SAMD12: variants seen among roughly 807,000 people sequenced by gnomAD.
SAMD12 encodes the protein sterile alpha motif domain-containing protein 12.
A neutral mutation model predicts 15.0 loss-of-function variants in SAMD12; 9 were observed. The ratio of observed to expected loss-of-function variants is 0.60; its 90% CI spans 0.36 to 1.05. The LOEUF (loss-of-function observed/expected upper bound fraction) is 1.05. Ranked by LOEUF, SAMD12 falls within the 50% of genes least tolerant of loss-of-function variation. The probability of loss-of-function intolerance (pLI) is 0.01; values close to 1 mark genes in which losing one functional copy is unlikely to be tolerated. For synonymous variants in SAMD12, 86 were observed against 90.1 expected (o/e 0.96, Z 0.25); for missense variants, 230 against 234.2 (o/e 0.98, Z 0.12).
intron 4 of SAMD12, among the ~76,000 whole-genome samples, chr8:118,281,327 TG>T (rs959419794): frequency 6.6e-6 from 1 of 152,156 alleles, no homozygotes; most frequent in African/African-American, 2.4e-5. Flanking sequence ...ATGTGTCTAG[TG>T]GGGAGGAGAT....
At chr8:118,461,574 A>G (rs1205361854) in intron 2 of SAMD12, among the ~76,000 whole-genome samples, 2 of 152,040 alleles carry the variant, frequency 1.3e-5, no homozygotes, top group African/African-American at 4.8e-5. Context: ...TATTTTACGT[A>G]TGTACATACG....
chr8:118,435,981 T>A (rs13265657), intron 3 of SAMD12, among the ~76,000 whole-genome samples: 10 of 152,096 alleles, frequency 6.6e-5, no homozygotes, highest in South Asian at 4.1e-4. Flanking sequence ...ACTGAACCTC[T>A]GTGGAACAGA....
intron 2 of SAMD12, among the ~76,000 whole-genome samples, chr8:118,529,739 G>T (rs939684311): frequency 6.6e-6 from 1 of 152,042 alleles, no homozygotes; most frequent in African/African-American, 2.4e-5. Context: ...CTTTTTTATG[G>T]CTGAGCAGTA....
At chr8:118,292,163 G>A (rs1440014891) in intron 4 of SAMD12, among the ~76,000 whole-genome samples, 2 of 151,392 alleles carry the variant, frequency 1.3e-5, no homozygotes, top group Non-Finnish European at 1.5e-5. Context: ...GGTAGGGGGC[G>A]AGGGATAAAA....
At chr8:118,216,737 G>GGA (rs1811970190) in intron 4 of SAMD12, among the ~76,000 whole-genome samples, 7 of 152,156 alleles carry the variant, frequency 4.6e-5, no homozygotes, top group Non-Finnish European at 8.8e-5. Context: ...TAACTGATGT[G>GGA]CATAATGATA....
intron 2 of SAMD12, among the ~76,000 whole-genome samples, chr8:118,446,189 G>T (rs1025293692): frequency 6.7e-6 from 1 of 150,284 alleles, no homozygotes; most frequent in Non-Finnish European, 1.5e-5. Flanking sequence ...ACTGTTTAAA[G>T]ACATCACTGT....
chr8:118,159,725 T>C, the SAMD12 span, among the ~76,000 whole-genome samples: 10 of 151,168 alleles, frequency 6.6e-5, no homozygotes, highest in South Asian at 2.1e-4. Context: ...TTTTCTTTTT[T>C]TTTTTTTGAG....
chr8:118,455,351 T>C (rs1237927119), intron 2 of SAMD12, among the ~76,000 whole-genome samples: 2 of 152,006 alleles, frequency 1.3e-5, no homozygotes, highest in Non-Finnish European at 2.9e-5. Flanking sequence ...ACCTTCCAGA[T>C]TGAATATCTA....
chr8:118,255,013 TAA>T (rs1480142658), intron 4 of SAMD12, among the ~76,000 whole-genome samples: 2 of 152,030 alleles, frequency 1.3e-5, no homozygotes. Flanking sequence ...TTGATTCTCT[TAA>T]GTCGATGCCT....
chr8:118,337,110 C>T (rs369356091), intron 4 of SAMD12, among the ~76,000 whole-genome samples: 22 of 149,574 alleles, frequency 1.5e-4, no homozygotes, highest in South Asian at 1.1e-3. Context: ...TGCATACATA[C>T]GTAACAAACC....
the SAMD12 span, among the ~76,000 whole-genome samples, chr8:118,152,450 CCCTCCCTACCTTCCTT>C: frequency 2.0e-4 from 21 of 106,476 alleles, no homozygotes; most frequent in Non-Finnish European, 2.7e-4. Flanking sequence ...CTTCCTCCCT[CCCTCCCTACCTTCCTT>C]CCTTCCTTCC....
At chr8:118,458,182 TA>T (rs947072133) in intron 2 of SAMD12, among the ~76,000 whole-genome samples, 1 of 152,252 alleles carries the variant, frequency 6.6e-6, no homozygotes, top group Non-Finnish European at 1.5e-5. Flanking sequence ...AAACACCATC[TA>T]AAATCCTCTT....
intron 4 of SAMD12, among the ~76,000 whole-genome samples, chr8:118,249,545 C>T (rs914619487): frequency 3.3e-5 from 5 of 152,154 alleles, no homozygotes; most frequent in African/African-American, 7.2e-5. Flanking sequence ...ACTTTATGTA[C>T]GTATGCATCA....
At chr8:118,297,579 C>T (rs1320103932) in intron 4 of SAMD12, among the ~76,000 whole-genome samples, 5 of 151,938 alleles carry the variant, frequency 3.3e-5, no homozygotes, top group South Asian at 4.2e-4. Context: ...AAAATGAATG[C>T]CAATTAAAAT....
chr8:118,289,067 A>T (rs1814215898), intron 4 of SAMD12, among the ~76,000 whole-genome samples: 1 of 152,200 alleles, frequency 6.6e-6, no homozygotes, highest in Admixed American at 6.5e-5. Flanking sequence ...GTTTCATTAC[A>T]TTTCCAATAT....
At chr8:118,620,247 A>G (rs1828359040) in intron 1 of SAMD12, among the ~76,000 whole-genome samples, 1 of 152,172 alleles carries the variant, frequency 6.6e-6, no homozygotes. Context: ...TGAAGACGAG[A>G]GATCATAATC....
chr8:118,537,801 C>T (rs1395304865), intron 2 of SAMD12, among the ~76,000 whole-genome samples: 2 of 152,092 alleles, frequency 1.3e-5, no homozygotes, highest in African/African-American at 2.4e-5. Context: ...AGGATTGGTC[C>T]CTGGTTCCTT....
intron 4 of SAMD12, among the ~76,000 whole-genome samples, chr8:118,256,779 TACACACACACACAC>T (rs3052764): frequency 3.1e-4 from 44 of 139,884 alleles, no homozygotes; most frequent in South Asian, 1.7e-3. Context: ...CTGCATAAGA[TACACACACACACAC>T]ACACACACAC....
chr8:118,222,030 A>T (rs1378415588), intron 4 of SAMD12, among the ~76,000 whole-genome samples: 2 of 152,216 alleles, frequency 1.3e-5, no homozygotes, highest in African/African-American at 4.8e-5. Context: ...TGAAGGCCCG[A>T]ATCATGGCAG....
Sources: allele counts gnomAD v4.1 joint callset (sites outside exome capture counted in the v4.1 genomes callset), GRCh38; gene constraint gnomAD v4.1.1; transcripts MANE v1.5; gene names NCBI Gene and HGNC (gene_info 2026-07-23, HGNC 2026-07-21).